Variants in DOCK8 observed in about 807,000 individuals in gnomAD.
DOCK8 encodes the protein dedicator of cytokinesis 8.
Under a neutral mutation model 245.6 loss-of-function variants are expected in DOCK8, and 141 were observed. That is an observed-to-expected ratio of 0.57 (90% confidence interval 0.50 to 0.66). The LOEUF (loss-of-function observed/expected upper bound fraction) is 0.66, where lower values mean the gene tolerates loss of function less well. Ranked by LOEUF, DOCK8 falls within the 30% of genes least tolerant of loss-of-function variation. The probability of loss-of-function intolerance (pLI) is 0.00; values close to 1 mark genes in which losing one functional copy is unlikely to be tolerated. For synonymous variants in DOCK8, 1,168 were observed against 970.2 expected (o/e 1.20, Z -3.79); for missense variants, 2,965 against 2,603.4 (o/e 1.14, Z -3.02).
intron 1 of DOCK8, among the ~76,000 whole-genome samples, chr9:242,397 C>G (rs915489098): frequency 2.0e-5 from 3 of 151,974 alleles, no homozygotes; most frequent in Admixed American, 1.3e-4. Flanking sequence ...TAGGAGAGGA[C>G]AAATGTAAAC....
chr9:343,068 T>C (rs1329448643), intron 14 of DOCK8, among the ~76,000 whole-genome samples: 1 of 152,194 alleles, frequency 6.6e-6, no homozygotes, highest in Admixed American at 6.5e-5. Context: ...CACCCATACT[T>C]TCCAGTATGA....
intron 3 of DOCK8, among the ~76,000 whole-genome samples, chr9:288,950 T>G (rs2048932544): frequency 6.6e-6 from 1 of 152,230 alleles, no homozygotes; most frequent in African/African-American, 2.4e-5. Context: ...ATTTTTGATT[T>G]CAAGACTCTG....
rs144895453 is a variant in DOCK8, at chr9:382,479, G to C, written c.2606-34G>C. 1.8e-3 allele frequency: 2,968 copies of C among 1,612,686 alleles called. 1 individual carries two copies. The highest frequency in any genetic ancestry group is 2.4e-3 in the Non-Finnish European group (2,829 of 1,179,772). On this transcript the variant is annotated intron_variant, in intron 21 of 47. Coordinates refer to ENST00000432829, the MANE Select transcript of DOCK8 (RefSeq NM_203447.4). ...ACTCAGTAAGTAACTCTGTTCCCCT[G>C]TCTGTTGACATGTCTCTGCCTGGTG...
rs375218530 is a variant in DOCK8, at chr9:312,233, G to A, written c.741+67G>A. ...CTCTGAGAGTCATGTGGACAATTGT[G>A]TTGTTCATTATTACTATATAGCAGC... On this transcript the variant is annotated intron_variant, in intron 6 of 47. Transcript: ENST00000432829. The A allele has an allele frequency of 1.4e-4, 216 of 1,557,950 alleles. No homozygotes were observed. In the Middle Eastern group the frequency reaches 2.5e-3, roughly 18 times the overall value.
At chr9:356,868 A>G (rs1246232573) in intron 14 of DOCK8, among the ~76,000 whole-genome samples, 3 of 152,226 alleles carry the variant, frequency 2.0e-5, no homozygotes, top group Non-Finnish European at 4.4e-5. Flanking sequence ...TGGTTCAACA[A>G]AGTATGGTTT....
At chr9:288,164 C>T (rs2048899872) in intron 3 of DOCK8, among the ~76,000 whole-genome samples, 1 of 151,656 alleles carries the variant, frequency 6.6e-6, no homozygotes, top group Non-Finnish European at 1.5e-5. Context: ...ACATACCTGT[C>T]TGATGTCTTT....
intron 1 of DOCK8, among the ~76,000 whole-genome samples, chr9:262,310 C>CT (rs1197528401): frequency 1.3e-5 from 2 of 151,660 alleles, no homozygotes; most frequent in African/African-American, 2.4e-5. Context: ...TTGTAAAACA[C>CT]TTTAACTGGT....
chr9:236,676 C>T (rs1486456033), intron 1 of DOCK8, among the ~76,000 whole-genome samples: 2 of 152,186 alleles, frequency 1.3e-5, no homozygotes, highest in Admixed American at 1.3e-4. Context: ...GCTGTGAGAA[C>T]AAACAATCTC....
intron 26 of DOCK8, among the ~76,000 whole-genome samples, chr9:402,101 T>G (rs191952516): frequency 1.3e-5 from 2 of 152,360 alleles, no homozygotes; most frequent in Admixed American, 6.5e-5. Flanking sequence ...GACCCAGGCT[T>G]AGCTACTCAC....
At position 441,276 on chromosome 9, in the gene DOCK8, T is replaced by G. The variant is rs770270125; in HGVS notation, c.5224-10T>G. The G allele has an allele frequency of 6.2e-7, 1 of 1,614,184 alleles. No homozygotes were observed. The highest frequency in any genetic ancestry group is 1.1e-5 in the South Asian group (1 of 91,086). On this transcript the variant is annotated splice_polypyrimidine_tract_variant and intron_variant, in intron 40 of 47. Coordinates refer to ENST00000432829, the MANE Select transcript of DOCK8 (RefSeq NM_203447.4). The stretch of plus-strand genomic sequence containing the variant: ...TAAATTCTCTCTGATGCTCTTCTCC[T>G]CTTTCCAAGGGAGGCTTATATGAGA...
At chr9:233,773 T>G (rs2131381544) in intron 1 of DOCK8, among the ~76,000 whole-genome samples, 1 of 152,206 alleles carries the variant, frequency 6.6e-6, no homozygotes, top group Non-Finnish European at 1.5e-5. Context: ...CATCCCTTTA[T>G]TTTGAGCCTA....
intron 5 of DOCK8, among the ~76,000 whole-genome samples, chr9:307,451 C>T (rs1394522900): frequency 6.9e-6 from 1 of 145,564 alleles, no homozygotes; most frequent in Admixed American, 7.1e-5. Context: ...CTCCGCCTCC[C>T]AAGTTCAAGC....
intron 40 of DOCK8, among the ~76,000 whole-genome samples, chr9:440,713 C>T (rs770953798): frequency 1.3e-5 from 2 of 152,132 alleles, no homozygotes; most frequent in Non-Finnish European, 2.9e-5. Flanking sequence ...AAACTTCTCT[C>T]CTGTTTTTTC....
At chr9:237,150 G>T (rs1334959370) in intron 1 of DOCK8, among the ~76,000 whole-genome samples, 1 of 152,226 alleles carries the variant, frequency 6.6e-6, no homozygotes. Flanking sequence ...AAACAATGTA[G>T]ACCTACTGTG....
At chr9:328,223 G>C (rs1452083425) in intron 9 of DOCK8, 52 bp downstream of exon 9, 1 of 1,573,170 alleles carries the variant, frequency 6.4e-7, no homozygotes, top group East Asian at 2.3e-5. Context: ...TTGCTGTGTT[G>C]TTCCCAGCAC....
In DOCK8 at chr9:312,177, C is replaced by G; in HGVS notation, c.741+11C>G. 3.7e-6 allele frequency: 6 copies of G among 1,613,802 alleles called. No individual in the cohort carries two copies. The South Asian group carries it at 5.5e-5, about 15-fold the overall frequency. ...CCATCAGTGGACGAGGTGGGTGCCA[C>G]TGTTTCCATACTGGAGAATCTCAGT... On this transcript the variant is annotated intron_variant, in intron 6 of 47. Transcript: ENST00000432829.
intron 44 of DOCK8, among the ~76,000 whole-genome samples, chr9:449,051 G>T (rs1671713189): frequency 6.6e-6 from 1 of 152,212 alleles, no homozygotes; most frequent in African/African-American, 2.4e-5. Context: ...TTTCTGCATT[G>T]TAAGTTGAGT....
intron 1 of DOCK8, among the ~76,000 whole-genome samples, chr9:265,778 T>C (rs571555338): frequency 4.6e-5 from 7 of 152,204 alleles, no homozygotes; most frequent in South Asian, 2.1e-4. Context: ...GTGGTGCTGA[T>C]TGATCTGCTT....
chr9:371,443 TGAA>T lies in DOCK8; in HGVS notation c.1889_1891del (p.Glu630del), dbSNP rs780848698. 6.2e-7 allele frequency: 1 copy of T among 1,614,234 alleles called. No individual in the cohort carries two copies. The highest frequency in any genetic ancestry group is 1.1e-5 in the South Asian group (1 of 91,086). ...TTTGAAACAGGTCTCCTGACTTTTA[TGAA>T]GAAGTGAAAATTAAGCTCCCCGCTA... is the stretch of plus-strand genomic sequence containing the variant. On this transcript the variant is annotated inframe_deletion, in exon 17 of 48. Coordinates refer to ENST00000432829, the MANE Select transcript of DOCK8 (RefSeq NM_203447.4).
Sources: gnomAD v4.1 joint callset for allele counts (sites outside exome capture counted in the v4.1 genomes callset) on GRCh38, gnomAD v4.1.1 for gene constraint, MANE v1.5 for transcripts, NCBI Gene and HGNC (gene_info 2026-07-23, HGNC 2026-07-21) for gene names.